The following ST6GALNAC5 variants were observed in gnomAD, a reference collection of about 807,000 sequenced individuals.
ST6GALNAC5 encodes the protein alpha-N-acetylgalactosaminide alpha-2,6-sialyltransferase 5.
In ST6GALNAC5, 27 loss-of-function variants were observed where a neutral mutation model predicts 33.6. The observed-to-expected ratio is 0.80, with a 90% CI of 0.59 to 1.11. The LOEUF (loss-of-function observed/expected upper bound fraction) is 1.11. Ranked by LOEUF, ST6GALNAC5 falls within the 50% of genes least tolerant of loss-of-function variation. The pLI is 0.00. For synonymous variants in ST6GALNAC5, 194 were observed against 171.2 expected (o/e 1.13, Z -1.04); for missense variants, 428 against 454.0 (o/e 0.94, Z 0.52).
intron 2 of ST6GALNAC5, among the ~76,000 whole-genome samples, chr1:76,893,968 C>T (rs926844315): frequency 1.3e-5 from 2 of 152,266 alleles, no homozygotes; most frequent in African/African-American, 2.4e-5. Flanking sequence ...CTAGAAGAGA[C>T]GCTCTTGATA....
chr1:76,879,380 A>G (rs1653725212), intron 2 of ST6GALNAC5, among the ~76,000 whole-genome samples: 1 of 152,222 alleles, frequency 6.6e-6, no homozygotes, highest in South Asian at 2.1e-4. Flanking sequence ...CAATAAATTC[A>G]GCCTGATCCA....
intron 2 of ST6GALNAC5, among the ~76,000 whole-genome samples, chr1:76,940,124 C>G (rs1647298204): frequency 6.8e-6 from 1 of 146,024 alleles, no homozygotes; most frequent in Non-Finnish European, 1.5e-5. Context: ...ACAAAATTAG[C>G]AATTTAATTA....
chr1:76,946,659 TG>T (rs1557733009), intron 2 of ST6GALNAC5, among the ~76,000 whole-genome samples: 1 of 152,162 alleles, frequency 6.6e-6, no homozygotes, highest in Non-Finnish European at 1.5e-5. Flanking sequence ...CAGAGTGGTC[TG>T]TACATGATAA....
At chr1:76,909,720 G>A (rs766846124) in intron 2 of ST6GALNAC5, among the ~76,000 whole-genome samples, 31 of 152,084 alleles carry the variant, frequency 2.0e-4, no homozygotes, top group Non-Finnish European at 4.0e-4. Flanking sequence ...TGCTCAAATG[G>A]ATGAGTTGCA....
intron 4 of ST6GALNAC5, among the ~76,000 whole-genome samples, chr1:77,057,368 G>A (rs1402554053): frequency 1.3e-5 from 2 of 152,188 alleles, no homozygotes; most frequent in Non-Finnish European, 2.9e-5. Context: ...CAAGAGAAAA[G>A]CATACACATT....
chr1:76,957,333 A>C, intron 2 of ST6GALNAC5, among the ~76,000 whole-genome samples: 1 of 152,100 alleles, frequency 6.6e-6, no homozygotes, highest in East Asian at 1.9e-4. Flanking sequence ...ATCACATGGC[A>C]CTTGGCCTCC....
rs572703660 is a variant in ST6GALNAC5 at position 76,867,682 on chromosome 1, A to T, written c.7A>T (p.Thr3Ser). 1.2e-5 allele frequency: 19 copies of T among 1,613,912 alleles called. No individual in the cohort carries two copies. The African/African-American group carries it at 2.3e-4, about 19-fold the overall frequency. The change falls in exon 1 of 5, where the codon ACC (threonine) becomes TCC (serine). Residue 3 changes from threonine to serine, a missense_variant. Thr to Ser is a moderately conservative substitution (Grantham distance 58, BLOSUM62 1). Transcript: ENST00000477717. MK[T>S]LMRHGLAVCL... ...CACAAAAGAGGTGCCCAAAATGAAGACCCTGATGGTGAGTCAGTTGTGGCA... is the reference window on the plus strand; with the variant it reads ...CACAAAAGAGGTGCCCAAAATGAAGTCCCTGATGGTGAGTCAGTTGTGGCA...
intron 2 of ST6GALNAC5, among the ~76,000 whole-genome samples, chr1:77,042,209 A>T (rs2100459889): frequency 6.6e-6 from 1 of 152,378 alleles, no homozygotes; most frequent in Admixed American, 6.5e-5. Flanking sequence ...TGCCTAACAC[A>T]GTTGTGGCTG....
chr1:77,024,497 C>CAAGGA (rs1651162570), intron 2 of ST6GALNAC5, among the ~76,000 whole-genome samples: 2 of 152,210 alleles, frequency 1.3e-5, no homozygotes, highest in African/African-American at 4.8e-5. Flanking sequence ...ACAGCATCTC[C>CAAGGA]CAGGGGCTCA....
chr1:76,892,057 T>C (rs1034937772), intron 2 of ST6GALNAC5, among the ~76,000 whole-genome samples: 1 of 152,220 alleles, frequency 6.6e-6, no homozygotes, highest in Non-Finnish European at 1.5e-5. Flanking sequence ...CGAGAATTTA[T>C]TTGGTTTATA....
At position 77,044,329 on chromosome 1, in the gene ST6GALNAC5, C is replaced by T. The variant is rs146404338; in HGVS notation, c.387C>T (p.Arg129=). The T allele has an allele frequency of 9.5e-5, 154 of 1,613,888 alleles. No homozygotes were observed. The highest frequency in any genetic ancestry group is 2.3e-4 in the South Asian group (21 of 91,082). Reference sequence around the variant, plus strand: ...TCCGCATGAATGACGCCCCCACACGCGGCTATGGGCGTGACGTGGGCAATC... The same window carrying T: ...TCCGCATGAATGACGCCCCCACACGTGGCTATGGGCGTGACGTGGGCAATC... ...CVIRMNDAPT[R]GYGRDVGNRT... Residue 129 remains arginine, a synonymous_variant, in exon 3 of 5, where the codon CGC becomes CGT. Coordinates refer to ENST00000477717, the MANE Select transcript of ST6GALNAC5 (RefSeq NM_030965.3).
At chr1:76,922,956 A>G (rs528998885) in intron 2 of ST6GALNAC5, among the ~76,000 whole-genome samples, 2 of 150,120 alleles carry the variant, frequency 1.3e-5, no homozygotes, top group African/African-American at 5.0e-5. Context: ...AAAAGAAAAA[A>G]GAAAAGAAAC....
At chr1:76,935,993 T>C (rs977164911) in intron 2 of ST6GALNAC5, among the ~76,000 whole-genome samples, 1 of 151,972 alleles carries the variant, frequency 6.6e-6, no homozygotes, top group Admixed American at 6.6e-5. Context: ...AGATTCTGAG[T>C]GGCCATTTGT....
chr1:76,996,017 A>C (rs1649924102), intron 2 of ST6GALNAC5, among the ~76,000 whole-genome samples: 1 of 152,252 alleles, frequency 6.6e-6, no homozygotes, highest in African/African-American at 2.4e-5. Flanking sequence ...GCAGTGTTAT[A>C]GACACCTTTA....
intron 2 of ST6GALNAC5, among the ~76,000 whole-genome samples, chr1:76,904,336 A>G (rs1646844971): frequency 6.6e-6 from 1 of 152,314 alleles, no homozygotes. Context: ...GGGTGCTGTG[A>G]CAGGTATCCA....
At chr1:76,914,284 C>A (rs1445985226) in intron 2 of ST6GALNAC5, among the ~76,000 whole-genome samples, 6 of 152,038 alleles carry the variant, frequency 3.9e-5, no homozygotes, top group Non-Finnish European at 7.4e-5. Flanking sequence ...TTTACAGATT[C>A]AATGCCATCC....
chr1:76,994,992 G>A (rs958130044), intron 2 of ST6GALNAC5, among the ~76,000 whole-genome samples: 5 of 152,128 alleles, frequency 3.3e-5, no homozygotes, highest in African/African-American at 1.2e-4. Context: ...CATATAATCA[G>A]AATTACCCTC....
At chr1:76,913,444 T>C (rs1646934915) in intron 2 of ST6GALNAC5, among the ~76,000 whole-genome samples, 1 of 152,048 alleles carries the variant, frequency 6.6e-6, no homozygotes. Context: ...TCTCTGTATT[T>C]CCTGAATCTG....
intron 2 of ST6GALNAC5, among the ~76,000 whole-genome samples, chr1:76,938,712 G>A (rs1647254538): frequency 6.6e-6 from 1 of 152,016 alleles, no homozygotes; most frequent in African/African-American, 2.4e-5. Flanking sequence ...TACAGATAAT[G>A]CAATTCACCA....
Sources: allele counts gnomAD v4.1 joint callset (sites outside exome capture counted in the v4.1 genomes callset), GRCh38; gene constraint gnomAD v4.1.1; transcripts MANE v1.5; gene names NCBI Gene and HGNC (gene_info 2026-07-23, HGNC 2026-07-21).